Variants in KRT8 observed in about 807,000 individuals in gnomAD.
KRT8 encodes keratin 8.
KRT8 carries 24 observed loss-of-function variants against 43.0 expected under a neutral mutation model. That is an observed-to-expected ratio of 0.56 (90% CI 0.40 to 0.78). The LOEUF (loss-of-function observed/expected upper bound fraction) is 0.78. KRT8 is among the 30% of genes least tolerant of loss of function. The pLI is 0.00. For missense variants in KRT8, 492 were observed against 638.4 expected (o/e 0.77, Z 2.47); for synonymous variants, 214 against 261.2 (o/e 0.82, Z 1.74).
chr12:52,938,170 A>ATATATATATATATATATATATATT (rs1555189967), intron 2 of KRT8, among the ~76,000 whole-genome samples: 16 of 30,292 alleles, frequency 5.3e-4, no homozygotes, highest in Non-Finnish European at 5.9e-4. Flanking sequence ...ATATATATAT[A>ATATATATATATATATATATATATT]TTTTTTTTTT....
intron 2 of KRT8, chr12:52,949,345 A>T (rs1942423865): frequency 6.3e-7 from 1 of 1,597,486 alleles, no homozygotes; most frequent in East Asian, 2.3e-5. Context: ...CAGGGGCGGC[A>T]TGGGGTCCGG....
upstream of KRT8, among the ~76,000 whole-genome samples, chr12:52,907,718 A>G (rs534740590): frequency 1.3e-5 from 2 of 152,196 alleles, no homozygotes; most frequent in East Asian, 3.9e-4. Flanking sequence ...TCATCTCTCT[A>G]TTGCCCAGAG....
At chr12:52,928,721 A>G (rs1171300995) in intron 2 of KRT8, among the ~76,000 whole-genome samples, 4 of 152,202 alleles carry the variant, frequency 2.6e-5, no homozygotes, top group Non-Finnish European at 4.4e-5. Context: ...CCTGGCTAAC[A>G]TAGTGAAACC....
intron 5 of KRT8, among the ~76,000 whole-genome samples, chr12:52,899,394 A>T (rs1232723086): frequency 6.6e-6 from 1 of 151,746 alleles, no homozygotes; most frequent in Non-Finnish European, 1.5e-5. Flanking sequence ...TCCCCTCCAC[A>T]CCCTTCTCAC....
intron 2 of KRT8, among the ~76,000 whole-genome samples, chr12:52,917,739 C>A (rs925109293): frequency 6.8e-6 from 1 of 146,270 alleles, no homozygotes; most frequent in Non-Finnish European, 1.5e-5. Flanking sequence ...ATTCGCCAGG[C>A]GTTGTGGCAG....
upstream of KRT8, among the ~76,000 whole-genome samples, chr12:52,911,291 G>T (rs1941632131): frequency 6.6e-6 from 1 of 152,256 alleles, no homozygotes; most frequent in Non-Finnish European, 1.5e-5. Context: ...GGCGGAGGTT[G>T]CAGTGAGCTG....
At chr12:52,921,720 T>C (rs114518810) in intron 2 of KRT8, among the ~76,000 whole-genome samples, 2,704 of 152,142 alleles carry the variant, frequency 0.018, 75 homozygotes, top group African/African-American at 0.06. Context: ...TCCCCAGCTG[T>C]GGCCGGATCT....
chr12:52,904,605 T>C, intron 1 of KRT8, 53 bp downstream of exon 1: 1 of 1,532,546 alleles, frequency 6.5e-7, no homozygotes, highest in South Asian at 1.1e-5. Context: ...GGACCGGGAC[T>C]ACCAGGAGAA....
At position 52,914,242 on chromosome 12, in the gene KRT8, C is replaced by CA. The variant is rs1034634695; in HGVS notation, c.-46-9216dup. On this transcript the variant is annotated intron_variant, in intron 2 of 6. Coordinates refer to the KRT8 transcript ENST00000546826. ...TGTCTCAAAAATAAAACAAACAAAA[C>CA]AAAAAAAAAATCCACCGGGTGCAGT... Among the ~76,000 whole-genome samples, 554 of 147,020 alleles carry CA rather than the reference C, an allele frequency of 3.8e-3. 4 individuals are homozygous for CA. Among genetic ancestry groups the CA allele is most frequent in the African/African-American group, 0.013 (508 of 40,070 alleles).
intron 2 of KRT8, among the ~76,000 whole-genome samples, chr12:52,918,205 C>CAAGAAGAAGAAGAAGAAGAAGAAG (rs371624304): frequency 4.3e-5 from 5 of 116,572 alleles, no homozygotes; most frequent in Admixed American, 1.8e-4. Flanking sequence ...AGAAGAAGAA[C>CAAGAAGAAGAAGAAGAAGAAGAAG]AAGAAGAAGA....
intron 5 of KRT8, among the ~76,000 whole-genome samples, chr12:52,899,167 T>A (rs1418476150): frequency 6.6e-6 from 1 of 152,032 alleles, no homozygotes; most frequent in Non-Finnish European, 1.5e-5. Flanking sequence ...ACAAAAAAAA[T>A]TAGCCAGCCT....
At chr12:52,938,805 G>A (rs1942221198) in intron 2 of KRT8, among the ~76,000 whole-genome samples, 1 of 152,092 alleles carries the variant, frequency 6.6e-6, no homozygotes, top group Non-Finnish European at 1.5e-5. Flanking sequence ...TTTTAGTAGA[G>A]ACGGGGTTTC....
At chr12:52,931,932 G>A (rs868185853) in intron 2 of KRT8, among the ~76,000 whole-genome samples, 40 of 152,052 alleles carry the variant, frequency 2.6e-4, no homozygotes, top group Middle Eastern at 3.4e-3. Context: ...CAAAGTGCTG[G>A]GATTACAGGC....
At position 52,918,180 on chromosome 12, in the gene KRT8, G is replaced by GGAAGAGGAAGAAGAAGAA. The variant is rs1555188331; in HGVS notation, c.-46-13154_-46-13153insTTCTTCTTCTTCCTCTTC. ...GGGAAGAAGAAGAAGAAGAGGAAGA[G>GGAAGAGGAAGAAGAAGAA]GAAGAAGAAGAAGAAGAAGAAGAAC... On this transcript the variant is annotated intron_variant, in intron 2 of 6. Transcript: ENST00000546826. 8.3e-4 allele frequency among the ~76,000 whole-genome samples: 61 copies of GGAAGAGGAAGAAGAAGAA among 73,816 alleles called. 2 individuals are homozygous for GGAAGAGGAAGAAGAAGAA. The highest frequency in any genetic ancestry group is 3.4e-3 in the African/African-American group (56 of 16,598). 48.4% of individuals were successfully genotyped at this position (73,816 alleles called of 152,430 possible).
chr12:52,920,912 A>T (rs1334330180), intron 2 of KRT8, among the ~76,000 whole-genome samples: 1 of 152,198 alleles, frequency 6.6e-6, no homozygotes, highest in African/African-American at 2.4e-5. Flanking sequence ...AGAAAATGAG[A>T]CAGAGAGACT....
At chr12:52,927,950 G>A (rs1942021017) in intron 2 of KRT8, among the ~76,000 whole-genome samples, 1 of 152,188 alleles carries the variant, frequency 6.6e-6, no homozygotes, top group Non-Finnish European at 1.5e-5. Flanking sequence ...TTGGTGGCAG[G>A]CACCTGTAAT....
At chr12:52,906,915 A>T (rs1239866411), upstream of KRT8, 13 of 370,554 alleles carry the variant, frequency 3.5e-5, no homozygotes, top group East Asian at 7.3e-5. Flanking sequence ...GAGACCCAGA[A>T]GCCCCCTCCT....
chr12:52,925,336 G>A (rs540095459), intron 2 of KRT8, among the ~76,000 whole-genome samples: 3 of 152,284 alleles, frequency 2.0e-5, no homozygotes, highest in South Asian at 2.1e-4. Context: ...CTGGCTCCCA[G>A]GGGCTCAGGC....
At chr12:52,926,096 T>C (rs1941984362) in intron 2 of KRT8, among the ~76,000 whole-genome samples, 2 of 152,044 alleles carry the variant, frequency 1.3e-5, no homozygotes, top group Non-Finnish European at 2.9e-5. Context: ...TTGCCTGTCC[T>C]GAGACTTCTA....
Sources: allele counts gnomAD v4.1 joint callset (sites outside exome capture counted in the v4.1 genomes callset), GRCh38; gene constraint gnomAD v4.1.1; transcripts MANE v1.5; gene names NCBI Gene and HGNC (gene_info 2026-07-23, HGNC 2026-07-21).